The following ARAP2 variants were observed in gnomAD, a reference collection of about 807,000 sequenced individuals.
ARAP2 encodes the protein arf-GAP with Rho-GAP domain, ANK repeat and PH domain-containing protein 2.
A neutral mutation model predicts 194.5 loss-of-function variants in ARAP2; 148 were observed. The ratio of observed to expected loss-of-function variants is 0.76; its 90% CI spans 0.67 to 0.87. The LOEUF (loss-of-function observed/expected upper bound fraction) is 0.87, where lower values mean the gene tolerates loss of function less well. ARAP2 is among the 40% of genes least tolerant of loss of function. The pLI is 0.00. For synonymous variants in ARAP2, 695 were observed against 683.5 expected (o/e 1.02, Z -0.26); for missense variants, 2,128 against 1,989.7 (o/e 1.07, Z -1.32).
intron 32 of ARAP2, among the ~76,000 whole-genome samples, chr4:36,073,173 G>A (rs1340175335): frequency 6.6e-6 from 1 of 152,040 alleles, no homozygotes; most frequent in Non-Finnish European, 1.5e-5. Flanking sequence ...AACCCTCAAG[G>A]TGAGAAGGAA....
At chr4:36,235,016 T>C (rs565846491) in intron 1 of ARAP2, among the ~76,000 whole-genome samples, 42 of 152,220 alleles carry the variant, frequency 2.8e-4, no homozygotes, top group Non-Finnish European at 5.1e-4. Context: ...ACCTGCTACA[T>C]GCCCAGCTTA....
At chr4:36,163,629 A>G (rs1333140950) in intron 11 of ARAP2, among the ~76,000 whole-genome samples, 1 of 152,232 alleles carries the variant, frequency 6.6e-6, no homozygotes, top group East Asian at 1.9e-4. Context: ...GATAACTTTT[A>G]GAAATCCTGA....
At chr4:36,039,495 A>G (rs1720481955) in intron 5 of ARAP2, among the ~76,000 whole-genome samples, 1 of 152,134 alleles carries the variant, frequency 6.6e-6, no homozygotes, top group African/African-American at 2.4e-5. Context: ...TGTGCAGCCC[A>G]CATAGGCTTC....
At chr4:36,186,247 A>C (rs1189086633) in intron 8 of ARAP2, among the ~76,000 whole-genome samples, 1 of 152,226 alleles carries the variant, frequency 6.6e-6, no homozygotes, top group Admixed American at 6.5e-5. Flanking sequence ...GTGAATTTAT[A>C]GTAATGACAT....
At chr4:36,167,520 G>A (rs1025819743) in intron 9 of ARAP2, among the ~76,000 whole-genome samples, 3 of 152,086 alleles carry the variant, frequency 2.0e-5, no homozygotes, top group East Asian at 1.9e-4. Flanking sequence ...AAAAGATCTG[G>A]AGCCCAATCT....
intron 29 of ARAP2, 21 bp from the exon 30 acceptor site, chr4:36,082,307 A>C (rs376392076): frequency 6.2e-7 from 1 of 1,600,564 alleles, no homozygotes; most frequent in Non-Finnish European, 8.5e-7. Flanking sequence ...TAGAAAAAAA[A>C]ACACACATAA....
rs184448000 is a variant in ARAP2, at chr4:36,107,486, T to C, written c.4285+79A>G. The C allele has an allele frequency of 7.3e-5, 104 of 1,416,912 alleles. No homozygotes were observed. The Admixed American group carries it at 1.2e-3, about 16-fold the overall frequency. The allele number at this position is 1,416,912 out of a possible 1,614,324, so 87.8% of individuals were successfully genotyped here. A position where few individuals can be genotyped will look rare whatever the true frequency, so the allele number is the denominator to read the frequency against. Reference sequence around the variant, plus strand: ...GCTACTCGTTTTTCACATTTTCAAATATTACTTGTGCCATATTAATTACCC... The same window carrying C: ...GCTACTCGTTTTTCACATTTTCAAACATTACTTGTGCCATATTAATTACCC... On this transcript the variant is annotated intron_variant, in intron 27 of 32. Coordinates refer to ENST00000303965, the MANE Select transcript of ARAP2 (RefSeq NM_015230.4).
intron 5 of ARAP2, among the ~76,000 whole-genome samples, chr4:36,039,838 C>T (rs1258235630): frequency 6.6e-6 from 1 of 152,024 alleles, no homozygotes; most frequent in South Asian, 2.1e-4. Flanking sequence ...TGGAAGAGCT[C>T]TGAGGACAAA....
chr4:36,210,751 GA>G lies in ARAP2; in HGVS notation c.1134-9del. 6.5e-7 allele frequency: 1 copy of G among 1,541,834 alleles called. No homozygotes were observed. Among genetic ancestry groups the G allele is most frequent in the Non-Finnish European group, 8.7e-7 (1 of 1,145,044 alleles). On this transcript the variant is annotated splice_polypyrimidine_tract_variant and intron_variant, in intron 5 of 32. Coordinates refer to ENST00000303965, the MANE Select transcript of ARAP2 (RefSeq NM_015230.4). ...TTTCTGTTATCGTATATGCTAAACG[GA>G]AAAATGATGTAAACATTTCAAAGTG... is the stretch of plus-strand genomic sequence containing the variant.
At chr4:36,038,657 T>C (rs1299807108) in intron 5 of ARAP2, among the ~76,000 whole-genome samples, 1 of 152,176 alleles carries the variant, frequency 6.6e-6, no homozygotes, top group Non-Finnish European at 1.5e-5. Context: ...TTTGAAGATA[T>C]GAATACAAAT....
chr4:36,140,066 T>C (rs1194832855), intron 19 of ARAP2, among the ~76,000 whole-genome samples: 3 of 151,220 alleles, frequency 2.0e-5, no homozygotes, highest in Non-Finnish European at 3.0e-5. Flanking sequence ...CTTCATTTTT[T>C]CCTACTAAAG....
chr4:36,194,235 C>T (rs1341631405), intron 6 of ARAP2, among the ~76,000 whole-genome samples: 2 of 152,062 alleles, frequency 1.3e-5, no homozygotes, highest in African/African-American at 4.8e-5. Context: ...TTTAAAATGG[C>T]TACTGACATG....
chr4:36,123,132 A>G (rs1484327683), intron 22 of ARAP2, among the ~76,000 whole-genome samples: 1 of 151,784 alleles, frequency 6.6e-6, no homozygotes, highest in African/African-American at 2.4e-5. Flanking sequence ...TCTCAAAACA[A>G]TGTCTATGCT....
chr4:36,034,652 T>C (rs2109210835), intron 5 of ARAP2, among the ~76,000 whole-genome samples: 1 of 152,180 alleles, frequency 6.6e-6, no homozygotes, highest in East Asian at 1.9e-4. Flanking sequence ...CAGCACTATG[T>C]TGAATAGGAG....
chr4:36,071,015 G>A (rs977604628), intron 32 of ARAP2, among the ~76,000 whole-genome samples: 5 of 152,124 alleles, frequency 3.3e-5, no homozygotes, highest in Non-Finnish European at 5.9e-5. Flanking sequence ...TAACAACAAA[G>A]AGAGGGGCTT....
At chr4:36,078,870 T>C (rs1728838209) in intron 31 of ARAP2, among the ~76,000 whole-genome samples, 1 of 152,006 alleles carries the variant, frequency 6.6e-6, no homozygotes, top group African/African-American at 2.4e-5. Flanking sequence ...TCTTTTGTTT[T>C]TCCTAAAGTA....
At chr4:36,143,997 A>G (rs1018038939) in intron 19 of ARAP2, among the ~76,000 whole-genome samples, 1 of 151,868 alleles carries the variant, frequency 6.6e-6, no homozygotes, top group African/African-American at 2.4e-5. Flanking sequence ...AATGTACAAA[A>G]TAATAAAACA....
At chr4:36,220,295 T>A (rs536872668) in intron 2 of ARAP2, among the ~76,000 whole-genome samples, 15 of 152,228 alleles carry the variant, frequency 9.9e-5, no homozygotes, top group African/African-American at 3.1e-4. Context: ...ACTGAACATA[T>A]GACAGTGATC....
chr4:36,203,586 A>C lies in ARAP2; in HGVS notation c.1487+6804T>G, dbSNP rs184428138. On this transcript the variant is annotated intron_variant, in intron 6 of 32. Transcript: ENST00000303965. ...GTGACAGAGCAACACTGTGTCTCAA[A>C]AAAACAAAACAAAACAAAACAAAAA... 8.5e-5 allele frequency among the ~76,000 whole-genome samples: 13 copies of C among 152,122 alleles called. No individual in the cohort carries two copies. The East Asian group carries it at 1.4e-3, about 16-fold the overall frequency.
Sources: gnomAD v4.1 joint callset for allele counts (sites outside exome capture counted in the v4.1 genomes callset) on GRCh38, gnomAD v4.1.1 for gene constraint, MANE v1.5 for transcripts, NCBI Gene and HGNC (gene_info 2026-07-23, HGNC 2026-07-21) for gene names.